NNT: variants seen among roughly 807,000 people sequenced by gnomAD.
NNT encodes the protein NAD(P) transhydrogenase, mitochondrial.
In NNT, 50 loss-of-function variants were observed where a neutral mutation model predicts 104.8. The observed-to-expected ratio is 0.48, with a 90% CI of 0.38 to 0.60. The LOEUF is 0.60. Ranked by LOEUF, NNT falls within the 20% of genes least tolerant of loss-of-function variation. The probability of loss-of-function intolerance (pLI) is 0.00; values close to 1 mark genes in which losing one functional copy is unlikely to be tolerated. For synonymous variants in NNT, 461 were observed against 490.4 expected, an observed-to-expected ratio of 0.94 and a Z score of 0.79; for missense variants, 1,131 against 1,330.7, an observed-to-expected ratio of 0.85 and a Z score of 2.33.
At chr5:43,629,673 C>G (rs766350884) in intron 7 of NNT, among the ~76,000 whole-genome samples, 2 of 152,182 alleles carry the variant, frequency 1.3e-5, no homozygotes, top group Non-Finnish European at 2.9e-5. Flanking sequence ...GCCATTCTTG[C>G]AGGAGTAAGG....
intron 5 of NNT, among the ~76,000 whole-genome samples, chr5:43,620,930 CAA>C (rs1426680447): frequency 6.6e-6 from 1 of 152,094 alleles, no homozygotes; most frequent in Non-Finnish European, 1.5e-5. Flanking sequence ...AAAAGTGAAA[CAA>C]AAGAGGCTTA....
intron 13 of NNT, among the ~76,000 whole-genome samples, chr5:43,652,552 T>G: frequency 6.6e-6 from 1 of 151,322 alleles, no homozygotes; most frequent in Non-Finnish European, 1.5e-5. Context: ...TTGAGAAGAG[T>G]TGGAGCAGTG....
intron 19 of NNT, among the ~76,000 whole-genome samples, chr5:43,692,455 C>T (rs918160706): frequency 2.0e-5 from 3 of 152,192 alleles, no homozygotes; most frequent in African/African-American, 7.2e-5. Context: ...TCCCAAGTAG[C>T]TGGGGTTACA....
intron 2 of NNT, among the ~76,000 whole-genome samples, chr5:43,611,812 T>C (rs1460568922): frequency 6.6e-6 from 1 of 152,194 alleles, no homozygotes; most frequent in East Asian, 1.9e-4. Flanking sequence ...ATACTCTTCA[T>C]TAAAAAATGT....
chr5:43,654,033 C>G (rs1046687755), intron 14 of NNT, among the ~76,000 whole-genome samples: 2 of 151,828 alleles, frequency 1.3e-5, no homozygotes, highest in Non-Finnish European at 2.9e-5. Flanking sequence ...TACTAAATTA[C>G]ATAAACTTAA....
intron 17 of NNT, chr5:43,667,175 C>A: frequency 2.0e-6 from 3 of 1,468,414 alleles, no homozygotes. Context: ...TTCTTGATAC[C>A]ATTTCTGTGC....
intron 19 of NNT, among the ~76,000 whole-genome samples, chr5:43,692,974 C>T (rs1237125493): frequency 1.3e-5 from 2 of 152,136 alleles, no homozygotes; most frequent in Admixed American, 6.5e-5. Context: ...TCAAAGATTA[C>T]ACAAATTCAG....
intron 7 of NNT, among the ~76,000 whole-genome samples, chr5:43,640,963 C>T (rs1477175863): frequency 6.6e-6 from 1 of 151,566 alleles, no homozygotes; most frequent in African/African-American, 2.4e-5. Flanking sequence ...GAGATATTCC[C>T]CAAGGCTTCC....
intron 3 of NNT, among the ~76,000 whole-genome samples, chr5:43,615,006 G>A (rs1364123062): frequency 2.6e-5 from 4 of 151,554 alleles, no homozygotes; most frequent in East Asian, 3.9e-4. Context: ...GCGCGGTGGC[G>A]GGCGCCTGTA....
chr5:43,704,156 A>G, intron 21 of NNT, 99 bp from the exon 22 acceptor site: 1 of 1,008,650 alleles, frequency 9.9e-7, no homozygotes, highest in Non-Finnish European at 1.4e-6. Flanking sequence ...GTAGTGGTAC[A>G]TGCCTTGTTC....
Position 43,650,473 on chromosome 5 carries a change from C to T in NNT, c.1607-4C>T, listed in dbSNP as rs763603486. ...TATTAACCATGTTAATGCTTTCTTTCTAGGGCTGACTGCAGTTGGTGGGTT... is the reference window on the plus strand; with the variant it reads ...TATTAACCATGTTAATGCTTTCTTTTTAGGGCTGACTGCAGTTGGTGGGTT... On this transcript the variant is annotated splice_region_variant and splice_polypyrimidine_tract_variant and intron_variant, in intron 11 of 21. Coordinates refer to ENST00000344920, the MANE Select transcript of NNT (RefSeq NM_182977.3). The T allele has an allele frequency of 1.9e-6, 3 of 1,610,656 alleles. No individual in the cohort carries two copies. The highest frequency in any genetic ancestry group is 1.7e-6 in the Non-Finnish European group (2 of 1,176,954).
At chr5:43,665,128 C>T (rs1364695460) in intron 17 of NNT, among the ~76,000 whole-genome samples, 1 of 152,058 alleles carries the variant, frequency 6.6e-6, no homozygotes, top group East Asian at 1.9e-4. Flanking sequence ...AGCGGTACAT[C>T]TACTGCTGTG....
In NNT at chr5:43,650,693, C is replaced by T. The variant is rs1363661831; in HGVS notation, c.1717+106C>T. On this transcript the variant is annotated intron_variant, in intron 12 of 21. Coordinates refer to ENST00000344920, the MANE Select transcript of NNT (RefSeq NM_182977.3). ...AATTGTGCCTTCAAAAAATGTTTCA[C>T]TCTGACCGTAAATGCTCTTTTTGCA... 9.1e-6 allele frequency: 7 copies of T among 769,176 alleles called. No individual in the cohort carries two copies. In the African/African-American group the frequency reaches 1.0e-4, roughly 11 times the overall value. 47.6% of individuals were successfully genotyped at this position (769,176 alleles called of 1,614,324 possible). A position where few individuals can be genotyped will look rare whatever the true frequency, so the allele number is the denominator to read the frequency against.
At chr5:43,675,743 A>G (rs1463335941) in intron 18 of NNT, 73 bp downstream of exon 18, 1 of 1,130,324 alleles carries the variant, frequency 8.8e-7, no homozygotes, top group Non-Finnish European at 1.2e-6. Flanking sequence ...TTCTTATAAT[A>G]GGAAAGTAGA....
At chr5:43,611,416 C>T (rs1174301733) in intron 2 of NNT, among the ~76,000 whole-genome samples, 1 of 152,136 alleles carries the variant, frequency 6.6e-6, no homozygotes, top group Non-Finnish European at 1.5e-5. Flanking sequence ...CTTCAGTCAT[C>T]TTTGGTAGCT....
At chr5:43,672,774 A>G (rs1172625628) in intron 17 of NNT, among the ~76,000 whole-genome samples, 3 of 152,194 alleles carry the variant, frequency 2.0e-5, no homozygotes, top group Non-Finnish European at 4.4e-5. Flanking sequence ...TCAGATCTCA[A>G]ACTCCATGCT....
chr5:43,690,892 T>C (rs1466231472), intron 19 of NNT, among the ~76,000 whole-genome samples: 1 of 152,350 alleles, frequency 6.6e-6, no homozygotes, highest in South Asian at 2.1e-4. Flanking sequence ...GCATTTGTTT[T>C]AAATTGTTAA....
chr5:43,612,239 T>C (rs750849361), intron 2 of NNT, among the ~76,000 whole-genome samples: 1 of 152,210 alleles, frequency 6.6e-6, no homozygotes, highest in Non-Finnish European at 1.5e-5. Context: ...ACCCAGTGGG[T>C]TGAGTAGTCA....
chr5:43,667,102 T>A (rs1740744864), intron 17 of NNT: 1 of 1,553,030 alleles, frequency 6.4e-7, no homozygotes, highest in Non-Finnish European at 8.8e-7. Flanking sequence ...CTTGGCAAAG[T>A]GCATGTTCCT....
Sources: allele counts gnomAD v4.1 joint callset (sites outside exome capture counted in the v4.1 genomes callset), GRCh38; gene constraint gnomAD v4.1.1; transcripts MANE v1.5; gene names NCBI Gene and HGNC (gene_info 2026-07-23, HGNC 2026-07-21).